Variants in PLSCR4 observed in about 807,000 individuals in gnomAD.
PLSCR4 encodes the protein Ca(2+)-dependent phospholipid scramblase 4.
In PLSCR4, 25 loss-of-function variants were observed where a neutral mutation model predicts 36.3. The observed-to-expected ratio is 0.69, with a 90% CI of 0.50 to 0.96. The LOEUF is 0.96. Ranked by LOEUF, PLSCR4 falls within the 40% of genes least tolerant of loss-of-function variation. The pLI is 0.00. For synonymous variants in PLSCR4, 122 were observed against 132.9 expected (o/e 0.92, Z 0.56); for missense variants, 408 against 414.7 (o/e 0.98, Z 0.14).
intron 1 of PLSCR4, among the ~76,000 whole-genome samples, chr3:146,233,622 A>G (rs1239030336): frequency 6.6e-6 from 1 of 152,192 alleles, no homozygotes; most frequent in African/African-American, 2.4e-5. Flanking sequence ...GTAAACATCT[A>G]TGATGTGTCA....
chr3:146,228,951 T>G (rs931104785), intron 1 of PLSCR4, among the ~76,000 whole-genome samples: 5 of 152,182 alleles, frequency 3.3e-5, no homozygotes, highest in Admixed American at 3.3e-4. Flanking sequence ...TGGGTGAATA[T>G]AAGTGCTAAT....
intron 1 of PLSCR4, among the ~76,000 whole-genome samples, chr3:146,247,972 T>C (rs1438631120): frequency 1.3e-5 from 2 of 152,228 alleles, no homozygotes; most frequent in African/African-American, 4.8e-5. Context: ...TGTTTTTCTT[T>C]TTAAGGACTA....
At chr3:146,227,000 C>T (rs1348292775) in intron 1 of PLSCR4, among the ~76,000 whole-genome samples, 1 of 152,022 alleles carries the variant, frequency 6.6e-6, no homozygotes, top group Non-Finnish European at 1.5e-5. Flanking sequence ...TAAAATTTTA[C>T]AATATAGTTT....
chr3:146,199,302 CTG>C (rs1476881155), intron 6 of PLSCR4, among the ~76,000 whole-genome samples: 1 of 152,140 alleles, frequency 6.6e-6, no homozygotes, highest in Non-Finnish European at 1.5e-5. Flanking sequence ...AGTAACCACA[CTG>C]TAACTCAGCA....
chr3:146,196,553 T>A (rs1176618593), intron 7 of PLSCR4, 79 bp downstream of exon 7: 4 of 1,338,150 alleles, frequency 3.0e-6, no homozygotes, highest in African/African-American at 2.9e-5. Flanking sequence ...TAAAAAAAAA[T>A]GTCTACAACC....
chr3:146,199,713 C>A (rs1436675631), intron 6 of PLSCR4, 100 bp downstream of exon 6: 1 of 953,272 alleles, frequency 1.0e-6, no homozygotes, highest in African/African-American at 1.6e-5. Context: ...TTCTGGCTGG[C>A]AGGGCCAGGG....
At chr3:146,200,705 T>C (rs759329526) in intron 5 of PLSCR4, among the ~76,000 whole-genome samples, 5 of 152,102 alleles carry the variant, frequency 3.3e-5, no homozygotes, top group Admixed American at 6.6e-5. Context: ...GTGGTGTCCC[T>C]GGCTAACTCA....
chr3:146,203,722 G>C (rs530057238), intron 4 of PLSCR4, among the ~76,000 whole-genome samples: 10 of 152,030 alleles, frequency 6.6e-5, no homozygotes, highest in African/African-American at 2.4e-4. Flanking sequence ...ATAGAATTTA[G>C]GAGAGATAGG....
chr3:146,203,509 T>A (rs1242100401), intron 4 of PLSCR4, among the ~76,000 whole-genome samples: 1 of 152,064 alleles, frequency 6.6e-6, no homozygotes, highest in Non-Finnish European at 1.5e-5. Flanking sequence ...ATCTGTTGTT[T>A]AGCAGAGTCA....
intron 3 of PLSCR4, among the ~76,000 whole-genome samples, chr3:146,211,597 TATC>T (rs1315413911): frequency 6.6e-6 from 1 of 152,112 alleles, no homozygotes; most frequent in African/African-American, 2.4e-5. Context: ...TAGAGTGTCA[TATC>T]ATATCTAAGA....
At chr3:146,195,727 C>T (rs556167346) in intron 7 of PLSCR4, among the ~76,000 whole-genome samples, 37 of 152,272 alleles carry the variant, frequency 2.4e-4, no homozygotes, top group African/African-American at 7.5e-4. Flanking sequence ...CAGATACCAA[C>T]GAGCTTCAGT....
chr3:146,247,359 A>T (rs2036378752), intron 1 of PLSCR4, among the ~76,000 whole-genome samples: 1 of 151,682 alleles, frequency 6.6e-6, no homozygotes, highest in Admixed American at 6.6e-5. Context: ...CTAATACAGT[A>T]TTTTATCAAC....
chr3:146,223,153 G>C (rs1306120621), intron 1 of PLSCR4, among the ~76,000 whole-genome samples: 1 of 152,026 alleles, frequency 6.6e-6, no homozygotes. Flanking sequence ...AATATGTATG[G>C]GAACATTATG....
chr3:146,200,666 T>C (rs774078371), intron 5 of PLSCR4, among the ~76,000 whole-genome samples: 16 of 152,238 alleles, frequency 1.1e-4, no homozygotes, highest in Non-Finnish European at 2.4e-4. Flanking sequence ...TTAAATGCTA[T>C]TTCCTGATCT....
intron 1 of PLSCR4, among the ~76,000 whole-genome samples, chr3:146,249,073 T>C (rs1318767743): frequency 1.3e-5 from 2 of 152,134 alleles, no homozygotes; most frequent in African/African-American, 4.8e-5. Context: ...ATTAATAAGA[T>C]TTCTAGGTAT....
intron 3 of PLSCR4, 70 bp downstream of exon 3, chr3:146,220,745 T>G: frequency 1.0e-6 from 1 of 996,844 alleles, no homozygotes; most frequent in Non-Finnish European, 1.5e-6. Context: ...TTTGTTCGCT[T>G]AAAAAGCAAT....
chr3:146,209,926 A>G (rs1454334658), intron 3 of PLSCR4, among the ~76,000 whole-genome samples: 1 of 152,150 alleles, frequency 6.6e-6, no homozygotes, highest in Admixed American at 6.6e-5. Context: ...AAACAAAATA[A>G]GTTATGTAAG....
intron 3 of PLSCR4, among the ~76,000 whole-genome samples, chr3:146,219,562 T>C (rs2035047951): frequency 6.6e-6 from 1 of 152,082 alleles, no homozygotes; most frequent in Non-Finnish European, 1.5e-5. Context: ...TCCTGATGCT[T>C]TCAGAAAACA....
rs977405390 is a variant in PLSCR4 at position 146,224,574 on chromosome 3, G to A, written c.-21-2482C>T. Among the ~76,000 whole-genome samples the A allele has an allele frequency of 2.6e-4, 39 of 152,074 alleles. 1 individual carries two copies. The highest frequency in any genetic ancestry group is 1.0e-3 in the South Asian group (5 of 4,806). On this transcript the variant is annotated intron_variant, in intron 1 of 8. Transcript: ENST00000354952. ...CAGGAGTGAAGCTGCAGACCTTCGC[G>A]GTGAGTGTTACAGCTCATAAAAGCA...
Sources: allele counts gnomAD v4.1 joint callset (sites outside exome capture counted in the v4.1 genomes callset), GRCh38; gene constraint gnomAD v4.1.1; transcripts MANE v1.5; gene names NCBI Gene and HGNC (gene_info 2026-07-23, HGNC 2026-07-21).